Variants in PSMB9 observed in about 807,000 individuals in gnomAD.
PSMB9 encodes proteasome 20S subunit beta 9.
Under a neutral mutation model 26.9 loss-of-function variants are expected in PSMB9, and 16 were observed. The ratio of observed to expected loss-of-function variants is 0.59; its 90% CI spans 0.40 to 0.90. PSMB9 has a LOEUF of 0.90. PSMB9 is among the 40% of genes least tolerant of loss of function. The pLI is 0.00. For missense variants in PSMB9, 253 were observed against 292.2 expected (o/e 0.87, Z 0.98); for synonymous variants, 91 against 112.0 (o/e 0.81, Z 1.18).
chr6:32,858,841 C>T lies in PSMB9; in HGVS notation c.532+336C>T. The T allele has an allele frequency of 2.5e-6, 1 of 400,696 alleles. No individual in the cohort carries two copies. Among genetic ancestry groups the T allele is most frequent in the Non-Finnish European group, 4.6e-6 (1 of 217,754 alleles). 24.8% of individuals were successfully genotyped at this position (400,696 alleles called of 1,614,324 possible). ...CTTGAGCCCAGGAGTTTGAGGCCAG[C>T]CTAGGCAAGATGGTGAAACCCTGTC... On this transcript the variant is annotated intron_variant, in intron 5 of 5. Transcript: ENST00000374859. This position sits in a 1 kb window ranked among gnomAD's most constrained non-coding sequence, Gnocchi z 5.2.
chr6:32,857,629 C>A, intron 3 of PSMB9: 2 of 527,904 alleles, frequency 3.8e-6, no homozygotes, highest in Non-Finnish European at 6.6e-6. Context: ...AGTTTAAAAG[C>A]TGTAAATCAC....
chr6:32,857,376 A>G lies in PSMB9; in HGVS notation c.242A>G (p.Tyr81Cys). The change falls in exon 3 of 6, where the codon TAC (tyrosine) becomes TGC (cysteine). Residue 81 changes from tyrosine to cysteine, a missense_variant. Transcript: ENST00000374859. ...DAQAVADMAA[Y>C]QLELHGIELE... ...CAAGCCGTGGCCGACATGGCCGCCT[A>G]CCAGCTGGAGCTCCATGGGTATGAA... The G allele has an allele frequency of 1.2e-6, 2 of 1,612,468 alleles. No individual in the cohort carries two copies. The highest frequency in any genetic ancestry group is 2.2e-5 in the East Asian group (1 of 44,866).
chr6:32,857,225 G>A (rs533712142), intron 2 of PSMB9, 38 bp from the exon 3 acceptor site: 14 of 1,363,628 alleles, frequency 1.0e-5, no homozygotes, highest in South Asian at 1.4e-5. Flanking sequence ...AAAAAAACCT[G>A]AGTTTTAACT....
chr6:32,855,755 T>C (rs1054384119), intron 1 of PSMB9, among the ~76,000 whole-genome samples: 8 of 151,870 alleles, frequency 5.3e-5, no homozygotes, highest in African/African-American at 1.9e-4. Flanking sequence ...CTGTGTTGGG[T>C]CTACACCACA....
chr6:32,856,106 G>A (rs190463640), intron 1 of PSMB9, 32 bp from the exon 2 acceptor site: 23 of 1,595,870 alleles, frequency 1.4e-5, no homozygotes, highest in Admixed American at 3.3e-5. Flanking sequence ...GGCTGTTCTT[G>A]CCCTGACATT....
Position 32,858,261 on chromosome 6 carries a change from G to A in PSMB9, c.391-103G>A. On this transcript the variant is annotated intron_variant, in intron 4 of 5. Transcript: ENST00000374859. The surrounding 1 kb of genome is among the most constrained non-coding windows in gnomAD (Gnocchi z 5.2). ...ACCTCTGAAAGCATAGTACTTTGGG[G>A]ATATGAGATACCAGGGCTTCATTGC... 6.3e-7 allele frequency: 1 copy of A among 1,596,814 alleles called. No homozygotes were observed. Among genetic ancestry groups the A allele is most frequent in the Non-Finnish European group, 8.6e-7 (1 of 1,168,782 alleles).
In PSMB9 at chr6:32,858,976, G is replaced by A. The variant is rs759624603; in HGVS notation, c.533-429G>A. On this transcript the variant is annotated intron_variant, in intron 5 of 5. Coordinates refer to ENST00000374859, the MANE Select transcript of PSMB9 (RefSeq NM_002800.5). This position sits in a 1 kb window ranked among gnomAD's most constrained non-coding sequence, Gnocchi z 5.2. ...CTGAGGTGGAAAGATCATCTGAGCC[G>A]GGGAGATCAAGGCTGTAGTGAGCGG... The A allele has an allele frequency of 1.6e-5, 4 of 251,108 alleles. No individual in the cohort carries two copies. Among genetic ancestry groups the A allele is most frequent in the Admixed American group, 5.1e-5 (1 of 19,716 alleles). 15.6% of individuals were successfully genotyped at this position (251,108 alleles called of 1,614,324 possible).
In PSMB9 at chr6:32,859,127, G is replaced by A. The variant is rs371312002; in HGVS notation, c.533-278G>A. On this transcript the variant is annotated intron_variant, in intron 5 of 5. Coordinates refer to ENST00000374859, the MANE Select transcript of PSMB9 (RefSeq NM_002800.5). ...CTGGCTTGGGACCACTCATGAGAGC[G>A]GACTGTTAAATAGTCAAGGATTTGT... 6.2e-4 allele frequency among the ~76,000 whole-genome samples: 94 copies of A among 152,054 alleles called. 4 individuals carry two copies. The South Asian group carries it at 0.018, about 29-fold the overall frequency.
Position 32,854,432 on chromosome 6 carries a change from C to G in PSMB9, c.60+143C>G. On this transcript the variant is annotated intron_variant, in intron 1 of 5. Coordinates refer to ENST00000374859, the MANE Select transcript of PSMB9 (RefSeq NM_002800.5). The surrounding 1 kb of genome is among the most constrained non-coding windows in gnomAD (Gnocchi z 4.6). ...CCTGTAGCAGCCAGCGCTTGCAACC[C>G]GCAATGAGCATAGAGTATTTCTTTT... 1.4e-6 allele frequency: 1 copy of G among 711,184 alleles called. No homozygotes were observed. Among genetic ancestry groups the G allele is most frequent in the Non-Finnish European group, 2.3e-6 (1 of 443,940 alleles). 44.1% of individuals were successfully genotyped at this position (711,184 alleles called of 1,614,324 possible). A position where few individuals can be genotyped will look rare whatever the true frequency, so the allele number is the denominator to read the frequency against.
In PSMB9 at chr6:32,859,547, T is replaced by A. The variant is rs1343889484; in HGVS notation, c.*15T>A. On this transcript the variant is annotated 3_prime_UTR_variant, in exon 6 of 6. Coordinates refer to ENST00000374859, the MANE Select transcript of PSMB9 (RefSeq NM_002800.5). ...ATGATGAGTGAACCTTCCCCAGACTTCTCTTTCTTATTTTGTAATAAACTC... is the reference window on the plus strand; with the variant it reads ...ATGATGAGTGAACCTTCCCCAGACTACTCTTTCTTATTTTGTAATAAACTC... The A allele has an allele frequency of 6.2e-7, 1 of 1,611,694 alleles. No individual in the cohort carries two copies. The highest frequency in any genetic ancestry group is 8.5e-7 in the Non-Finnish European group (1 of 1,179,098).
At chr6:32,856,669 A>ACT (rs1771175284) in intron 2 of PSMB9, 1 of 157,154 alleles carries the variant, frequency 6.4e-6, no homozygotes, top group Non-Finnish European at 1.4e-5. Flanking sequence ...ATAGAACATA[A>ACT]CTCTCTCAAG....
chr6:32,856,165 G>A lies in PSMB9; in HGVS notation c.88G>A (p.Gly30Arg), dbSNP rs375222612. 25 of 1,612,882 alleles carry A rather than the reference G, an allele frequency of 1.6e-5. No homozygotes were observed. The highest frequency in any genetic ancestry group is 1.0e-4 in the Admixed American group (6 of 59,996). ...CACCATCATGGCAGTGGAGTTTGACGGGGGCGTTGTGATGGGTTCTGATTC... is the reference window on the plus strand; with the variant it reads ...CACCATCATGGCAGTGGAGTTTGACAGGGGCGTTGTGATGGGTTCTGATTC... ...GTTIMAVEFD[G>R]GVVMGSDSRV... Residue 30 changes from glycine (G) to arginine (R), a missense_variant, in exon 2 of 6, where the codon GGG (glycine) becomes AGG (arginine). By Grantham distance (125) the Gly-to-Arg change is moderately radical (BLOSUM62 -2). Coordinates refer to ENST00000374859, the MANE Select transcript of PSMB9 (RefSeq NM_002800.5).
At position 32,858,429 on chromosome 6, in the gene PSMB9, CTTT is replaced by C. The variant is rs750371982; in HGVS notation, c.457_459del (p.Phe153del). On this transcript the variant is annotated inframe_deletion, in exon 5 of 6. Coordinates refer to ENST00000374859, the MANE Select transcript of PSMB9 (RefSeq NM_002800.5). This position sits in a 1 kb window ranked among gnomAD's most constrained non-coding sequence, Gnocchi z 5.2. ...TTGCCATTGGTGGCTCCGGCAGCAC[CTTT>C]ATCTATGGTTATGTGGATGCAGCAT... The C allele has an allele frequency of 3.7e-6, 6 of 1,613,002 alleles. No homozygotes were observed. The South Asian group carries it at 6.6e-5, about 18-fold the overall frequency.
chr6:32,857,885 G>C, intron 3 of PSMB9, 120 bp from the exon 4 acceptor site: 1 of 1,162,094 alleles, frequency 8.6e-7, no homozygotes, highest in Non-Finnish European at 1.2e-6. Flanking sequence ...TGGGAGGGAG[G>C]CTGCAGTTTG....
intron 5 of PSMB9, 64 bp from the exon 6 acceptor site, chr6:32,859,341 T>C (rs1401800643): frequency 1.3e-6 from 2 of 1,517,530 alleles, no homozygotes; most frequent in African/African-American, 2.8e-5. Flanking sequence ...GGAGGGGGAG[T>C]AAAAAGATTT....
In PSMB9 at chr6:32,858,607, T is replaced by C; in HGVS notation, c.532+102T>C. The C allele has an allele frequency of 2.0e-6, 3 of 1,483,866 alleles. No individual in the cohort carries two copies. The highest frequency in any genetic ancestry group is 2.8e-6 in the Non-Finnish European group (3 of 1,076,210). The allele number at this position is 1,483,866 out of a possible 1,614,324, so 91.9% of individuals were successfully genotyped here. ...AGAAATACAGGGGTGGCCATTTAAG[T>C]TAATGCCGGGCCTGGTACACTTTTA... is the stretch of plus-strand genomic sequence containing the variant. On this transcript the variant is annotated intron_variant, in intron 5 of 5. Transcript: ENST00000374859. The surrounding 1 kb of genome is among the most constrained non-coding windows in gnomAD (Gnocchi z 5.2).
At chr6:32,859,054 G>GAAA (rs35686395) in intron 5 of PSMB9, among the ~76,000 whole-genome samples, 2 of 119,610 alleles carry the variant, frequency 1.7e-5, no homozygotes, top group Admixed American at 8.7e-5. Context: ...CCTGTCTGGA[G>GAAA]AAAAAAAAAA....
At position 32,858,325 on chromosome 6, in the gene PSMB9, G is replaced by C. The variant is rs1771262791; in HGVS notation, c.391-39G>C. 1 of 1,612,388 alleles carries C rather than the reference G, an allele frequency of 6.2e-7. No homozygotes were observed. The highest frequency in any genetic ancestry group is 1.7e-5 in the Admixed American group (1 of 59,988). ...CACTTAATGTCTCAGTGGGAAGGAA[G>C]GGCTTGATGATTCTTTAACCTGAGG... On this transcript the variant is annotated intron_variant, in intron 4 of 5. Coordinates refer to ENST00000374859, the MANE Select transcript of PSMB9 (RefSeq NM_002800.5). This position sits in a 1 kb window ranked among gnomAD's most constrained non-coding sequence, Gnocchi z 5.2.
rs759762754 is a variant in PSMB9, at chr6:32,856,153, G to A, written c.76G>A (p.Val26Met). Reference protein sequence around the residue: ...EVHTGTTIMAVEFDGGVVMGS... With the variant: ...EVHTGTTIMAMEFDGGVVMGS... ...GTCTCTGCAGACCACCATCATGGCA[G>A]TGGAGTTTGACGGGGGCGTTGTGAT... The change falls in exon 2 of 6, where the codon GTG becomes ATG. Residue 26 changes from valine to methionine, a missense_variant. Coordinates refer to ENST00000374859, the MANE Select transcript of PSMB9 (RefSeq NM_002800.5). 6.2e-6 allele frequency: 10 copies of A among 1,612,906 alleles called. No individual in the cohort carries two copies. In the Admixed American group the frequency reaches 1.2e-4, roughly 19 times the overall value.
Sources: gnomAD v4.1 joint callset for allele counts (sites outside exome capture counted in the v4.1 genomes callset) on GRCh38, gnomAD v4.1.1 for gene constraint, Gnocchi (gnomAD v3.1) non-coding constraint, MANE v1.5 for transcripts, NCBI Gene and HGNC (gene_info 2026-07-23, HGNC 2026-07-21) for gene names.